SEMA6D: variants seen among roughly 807,000 people sequenced by gnomAD.
SEMA6D encodes the protein semaphorin-6D.
Under a neutral mutation model 106.6 loss-of-function variants are expected in SEMA6D, and 35 were observed. The ratio of observed to expected loss-of-function variants is 0.33; its 90% CI spans 0.25 to 0.44. SEMA6D has a LOEUF of 0.44. Ranked by LOEUF, SEMA6D falls within the 20% of genes least tolerant of loss-of-function variation. The probability of loss-of-function intolerance (pLI) is 1.00; values close to 1 mark genes in which losing one functional copy is unlikely to be tolerated. For missense variants in SEMA6D, 1,185 were observed against 1,345.9 expected, an observed-to-expected ratio of 0.88 and a Z score of 1.87; for synonymous variants, 499 against 487.7, an observed-to-expected ratio of 1.02 and a Z score of -0.31.
chr15:47,560,924 C>T (rs2046061682), intron 3 of SEMA6D, among the ~76,000 whole-genome samples: 1 of 151,992 alleles, frequency 6.6e-6, no homozygotes, highest in African/African-American at 2.4e-5. Context: ...TCCCACATCC[C>T]TCATAATGAA....
rs575667144 is a variant in SEMA6D at position 47,730,244 on chromosome 15, A to G, written c.-55+12552A>G. On this transcript the variant is annotated intron_variant, in intron 1 of 18. Coordinates refer to ENST00000536845, the MANE Select transcript of SEMA6D (RefSeq NM_001358351.3). ...GACGTTGCCGCCCCAGTGACGGCGG[A>G]TCTCATCGTATCTGTCGTTGTAATT... 28 of 1,535,900 alleles carry G rather than the reference A, an allele frequency of 1.8e-5. No homozygotes were observed. The East Asian group carries it at 3.1e-4, about 17-fold the overall frequency.
At chr15:47,484,735 G>T (rs899673539) in intron 3 of SEMA6D, among the ~76,000 whole-genome samples, 6 of 152,028 alleles carry the variant, frequency 3.9e-5, no homozygotes, top group African/African-American at 1.4e-4. Flanking sequence ...TCAAGAAGGA[G>T]GCAAGGCCTA....
intron 1 of SEMA6D, among the ~76,000 whole-genome samples, chr15:47,269,545 C>A (rs2034466166): frequency 6.6e-6 from 1 of 151,990 alleles, no homozygotes; most frequent in Non-Finnish European, 1.5e-5. Flanking sequence ...TTACTTTTAT[C>A]TTTAATCCCA....
In SEMA6D at chr15:47,764,887, A is replaced by G; in HGVS notation, c.1258A>G (p.Arg420Gly). ...CTGTGCCGCCTCCTCTTGTAGGTAC[A>G]GACTGACGGCCATCTCAGTGGACCA... is the stretch of plus-strand genomic sequence containing the variant. ...PWFTKTRVRY[R>G]LTAISVDHSA... Residue 420 changes from arginine to glycine, a missense_variant, in exon 13 of 19, where the codon AGA (arginine) becomes GGA (glycine). Arg to Gly is a moderately radical substitution (Grantham distance 125). This residue lies in a region of SEMA6D where 291 missense variants were observed against 423.8 expected (regional missense o/e 0.69). Coordinates refer to ENST00000536845, the MANE Select transcript of SEMA6D (RefSeq NM_001358351.3). The G allele has an allele frequency of 6.2e-7, 1 of 1,613,864 alleles. No individual in the cohort carries two copies.
intron 3 of SEMA6D, among the ~76,000 whole-genome samples, chr15:47,503,040 A>G (rs2141630613): frequency 6.6e-6 from 1 of 152,290 alleles, no homozygotes; most frequent in Non-Finnish European, 1.5e-5. Context: ...AGTGGTGTCC[A>G]CTTTATTAAC....
intron 1 of SEMA6D, among the ~76,000 whole-genome samples, chr15:47,399,826 CAT>C (rs1305211421): frequency 1.3e-5 from 2 of 152,188 alleles, no homozygotes; most frequent in African/African-American, 2.4e-5. Context: ...GAAGAAAAGA[CAT>C]GTGAAAGAAC....
chr15:47,543,171 A>G (rs999767027), intron 3 of SEMA6D, among the ~76,000 whole-genome samples: 1 of 152,156 alleles, frequency 6.6e-6, no homozygotes, highest in Non-Finnish European at 1.5e-5. Context: ...GTTTTCGAAT[A>G]AAGTAAAGAC....
rs1458031243 is a variant in SEMA6D, at chr15:47,765,314, G to A, written c.1427+258G>A. 4.0e-6 allele frequency: 5 copies of A among 1,247,462 alleles called. No individual in the cohort carries two copies. In the East Asian group the frequency reaches 1.6e-4, roughly 39 times the overall value. The allele number at this position is 1,247,462 out of a possible 1,614,324, so 77.3% of individuals were successfully genotyped here. On this transcript the variant is annotated intron_variant, in intron 13 of 18. Transcript: ENST00000536845. ...TGTAGAATATGAGAACATTTTAACAGCACCTCTCTTATCTTGCAGATATAT... is the reference window on the plus strand; with the variant it reads ...TGTAGAATATGAGAACATTTTAACAACACCTCTCTTATCTTGCAGATATAT...
At chr15:47,268,491 A>C (rs2034421708) in intron 1 of SEMA6D, among the ~76,000 whole-genome samples, 1 of 152,146 alleles carries the variant, frequency 6.6e-6, no homozygotes. Flanking sequence ...GTAAGCAAGG[A>C]GGGAAAGTTA....
intron 4 of SEMA6D, among the ~76,000 whole-genome samples, chr15:47,612,595 A>T (rs1378796598): frequency 6.6e-6 from 1 of 152,018 alleles, no homozygotes; most frequent in African/African-American, 2.4e-5. Context: ...CACTGTCTCT[A>T]GTGGTCCCCA....
At chr15:47,431,496 A>C (rs1467614114) in intron 2 of SEMA6D, among the ~76,000 whole-genome samples, 4 of 152,058 alleles carry the variant, frequency 2.6e-5, no homozygotes, top group Non-Finnish European at 1.5e-5. Flanking sequence ...CCCACTATTC[A>C]ACAAACCTAC....
At chr15:47,501,999 A>G (rs899860112) in intron 3 of SEMA6D, among the ~76,000 whole-genome samples, 1 of 152,140 alleles carries the variant, frequency 6.6e-6, no homozygotes, top group Non-Finnish European at 1.5e-5. Context: ...AGAGACCAGA[A>G]GGTAATTTTG....
At chr15:47,246,843 T>G (rs1198244883) in intron 1 of SEMA6D, among the ~76,000 whole-genome samples, 1 of 152,156 alleles carries the variant, frequency 6.6e-6, no homozygotes, top group Non-Finnish European at 1.5e-5. Flanking sequence ...TGCCTACTAT[T>G]GCAGTCTCCT....
chr15:47,643,347 G>A (rs1198149447), intron 4 of SEMA6D, among the ~76,000 whole-genome samples: 2 of 152,204 alleles, frequency 1.3e-5, no homozygotes, highest in Non-Finnish European at 2.9e-5. Context: ...GTTGCACAGT[G>A]TAGACTCTCA....
chr15:47,692,206 A>C (rs1323538296), intron 4 of SEMA6D, among the ~76,000 whole-genome samples: 2 of 152,118 alleles, frequency 1.3e-5, no homozygotes, highest in African/African-American at 4.8e-5. Context: ...TGACATCTAG[A>C]CTTCTGCCCA....
At chr15:47,210,384 T>G (rs1334952111) in intron 1 of SEMA6D, among the ~76,000 whole-genome samples, 2 of 152,182 alleles carry the variant, frequency 1.3e-5, no homozygotes, top group Non-Finnish European at 2.9e-5. Flanking sequence ...CTGTGATATT[T>G]TTTAGGATAG....
intron 1 of SEMA6D, among the ~76,000 whole-genome samples, chr15:47,402,121 T>A (rs908397422): frequency 1.3e-5 from 2 of 152,170 alleles, no homozygotes; most frequent in Non-Finnish European, 2.9e-5. Flanking sequence ...CCACTAGCCA[T>A]GTGTGTTAAT....
chr15:47,471,931 TCACACACACACACACA>T (rs1168586101), intron 3 of SEMA6D, among the ~76,000 whole-genome samples: 3 of 121,504 alleles, frequency 2.5e-5, no homozygotes, highest in Admixed American at 8.4e-5. Flanking sequence ...TCTCTCTCTC[TCACACACACACACACA>T]CACACACACA....
At chr15:47,392,356 A>G (rs914685939) in intron 1 of SEMA6D, among the ~76,000 whole-genome samples, 12 of 152,170 alleles carry the variant, frequency 7.9e-5, no homozygotes, top group Non-Finnish European at 1.5e-4. Context: ...AGATGTGATT[A>G]AATTGAGGAT....
Sources: allele counts gnomAD v4.1 joint callset (sites outside exome capture counted in the v4.1 genomes callset), GRCh38; gene constraint gnomAD v4.1.1; regional missense constraint gnomAD v4.1.1; transcripts MANE v1.5; gene names NCBI Gene and HGNC (gene_info 2026-07-23, HGNC 2026-07-21).